SLC35D4: variants seen among roughly 807,000 people sequenced by gnomAD.
The protein encoded by SLC35D4 is solute carrier family 35 member D4.
the SLC35D4 span, chr18:23,384,917 G>T: frequency 7.2e-7 from 1 of 1,392,730 alleles, no homozygotes; most frequent in African/African-American, 1.4e-5. Context: ...ACTAATTTGG[G>T]CCATAAAAAG....
chr18:23,335,703 G>C, the SLC35D4 span, among the ~76,000 whole-genome samples: 12 of 152,190 alleles, frequency 7.9e-5, no homozygotes, highest in East Asian at 5.8e-4. Flanking sequence ...CAGTTTTTGA[G>C]TGAGTACTCA....
the SLC35D4 span, among the ~76,000 whole-genome samples, chr18:23,344,665 G>A: frequency 1.4e-5 from 2 of 148,056 alleles, no homozygotes; most frequent in South Asian, 2.1e-4. Context: ...GCAGTGGCGC[G>A]ATCTCGGCTC....
At chr18:23,365,408 GATC>G in the SLC35D4 span, among the ~76,000 whole-genome samples, 276 of 152,312 alleles carry the variant, frequency 1.8e-3, 1 homozygote, top group African/African-American at 6.4e-3. Flanking sequence ...GTATATCTGA[GATC>G]ATACTGGATG....
the SLC35D4 span, chr18:23,253,047 ACACT>A: frequency 6.2e-7 from 1 of 1,612,224 alleles, no homozygotes; most frequent in Non-Finnish European, 8.5e-7. Flanking sequence ...CATTAAGCTG[ACACT>A]CAGCAAAATT....
At chr18:23,285,784 C>T in the SLC35D4 span, among the ~76,000 whole-genome samples, 1 of 152,206 alleles carries the variant, frequency 6.6e-6, no homozygotes, top group East Asian at 1.9e-4. Context: ...CTCCCCTCCT[C>T]ACACCGGGTC....
the SLC35D4 span, among the ~76,000 whole-genome samples, chr18:23,274,070 C>T: frequency 1.3e-5 from 2 of 152,080 alleles, no homozygotes; most frequent in Non-Finnish European, 2.9e-5. Flanking sequence ...GTAGCTGGGA[C>T]TACACAGGTG....
the SLC35D4 span, chr18:23,252,883 T>C: frequency 1.7e-5 from 16 of 915,552 alleles, no homozygotes; most frequent in African/African-American, 2.6e-4. Flanking sequence ...GAGTTGTAAG[T>C]TGGTCGTAGT....
the SLC35D4 span, among the ~76,000 whole-genome samples, chr18:23,361,119 A>AAAG: frequency 6.0e-5 from 9 of 151,030 alleles, no homozygotes; most frequent in Non-Finnish European, 1.3e-4. Context: ...AAAAAAAAAA[A>AAAG]AAAAAAGAAA....
the SLC35D4 span, among the ~76,000 whole-genome samples, chr18:23,413,689 C>G: frequency 6.6e-6 from 1 of 152,128 alleles, no homozygotes; most frequent in Non-Finnish European, 1.5e-5. Flanking sequence ...CTTTGGGAGG[C>G]TGAGGTGGGT....
the SLC35D4 span, among the ~76,000 whole-genome samples, chr18:23,367,204 A>C: frequency 6.6e-6 from 1 of 152,226 alleles, no homozygotes; most frequent in Non-Finnish European, 1.5e-5. Context: ...AATATAAGAA[A>C]TAATTAAGTG....
At chr18:23,435,848 A>G in the SLC35D4 span, among the ~76,000 whole-genome samples, 1 of 152,012 alleles carries the variant, frequency 6.6e-6, no homozygotes, top group East Asian at 1.9e-4. Context: ...GGTGCCCACC[A>G]CCATGCCTGG....
At chr18:23,393,887 G>T in the SLC35D4 span, among the ~76,000 whole-genome samples, 4 of 152,302 alleles carry the variant, frequency 2.6e-5, no homozygotes, top group African/African-American at 9.6e-5. Context: ...CCAAAGTGCT[G>T]GGATTGTGGG....
chr18:23,351,845 T>C, the SLC35D4 span, among the ~76,000 whole-genome samples: 3 of 152,234 alleles, frequency 2.0e-5, no homozygotes, highest in Non-Finnish European at 4.4e-5. Flanking sequence ...TAAGGTTTCA[T>C]AGAAATGCCC....
At chr18:23,297,583 C>T in the SLC35D4 span, 2 of 152,806 alleles carry the variant, frequency 1.3e-5, no homozygotes, top group African/African-American at 2.4e-5. Flanking sequence ...CAACCAAACC[C>T]CTTAGGCCCA....
chr18:23,334,328 C>T, the SLC35D4 span, among the ~76,000 whole-genome samples: 1 of 152,130 alleles, frequency 6.6e-6, no homozygotes, highest in African/African-American at 2.4e-5. Flanking sequence ...GCAATCCCCA[C>T]CCCACACCAC....
chr18:23,272,312 T>C, the SLC35D4 span, among the ~76,000 whole-genome samples: 1 of 152,138 alleles, frequency 6.6e-6, no homozygotes, highest in African/African-American at 2.4e-5. Flanking sequence ...CTTGTCGGTC[T>C]CTTCCACCTG....
the SLC35D4 span, among the ~76,000 whole-genome samples, chr18:23,314,694 T>C: frequency 2.6e-5 from 4 of 152,192 alleles, no homozygotes; most frequent in South Asian, 8.3e-4. Context: ...GTACTATCAA[T>C]TGGTGTACTT....
At chr18:23,286,729 A>T in the SLC35D4 span, among the ~76,000 whole-genome samples, 88 of 150,430 alleles carry the variant, frequency 5.8e-4, no homozygotes, top group African/African-American at 1.7e-3. Flanking sequence ...TAAACCTCTT[A>T]AAACTCCCCA....
chr18:23,308,969 T>C, the SLC35D4 span, among the ~76,000 whole-genome samples: 3 of 151,590 alleles, frequency 2.0e-5, no homozygotes, highest in African/African-American at 7.3e-5. Context: ...AAGTCTCTTA[T>C]ATAAAATGGT....
Sources: gnomAD v4.1 joint callset for allele counts (sites outside exome capture counted in the v4.1 genomes callset) on GRCh38, gnomAD v4.1.1 for gene constraint, MANE v1.5 for transcripts, NCBI Gene and HGNC (gene_info 2026-07-23, HGNC 2026-07-21) for gene names.